PADI4: variants seen among roughly 807,000 people sequenced by gnomAD.
PADI4 encodes the protein peptidyl arginine deiminase 4.
In PADI4, 62 loss-of-function variants were observed where a neutral mutation model predicts 75.0. The ratio of observed to expected loss-of-function variants is 0.83; its 90% CI spans 0.67 to 1.02. PADI4 has a LOEUF of 1.02. Ranked by LOEUF, PADI4 falls within the 50% of genes least tolerant of loss-of-function variation. PADI4 has a pLI of 0.00. For missense variants in PADI4, 845 were observed against 850.5 expected, an observed-to-expected ratio of 0.99 and a Z score of 0.08; for synonymous variants, 361 against 348.1, an observed-to-expected ratio of 1.04 and a Z score of -0.41.
chr1:17,339,492 T>G (rs2074375656), intron 5 of PADI4, among the ~76,000 whole-genome samples, 196 bp from the exon 6 acceptor site: 1 of 152,112 alleles, frequency 6.6e-6, no homozygotes, highest in Non-Finnish European at 1.5e-5. Context: ...AAAACCTTAA[T>G]GAGCTCTCAT....
In PADI4 at chr1:17,339,118, C is replaced by T. The variant is rs374372147; in HGVS notation, c.527-570C>T. ...AACAGAGGCAGAGAAAGCTGAAATCCGTTTCCTAAGCCCACCCAGATCCCA... is the reference window on the plus strand; with the variant it reads ...AACAGAGGCAGAGAAAGCTGAAATCTGTTTCCTAAGCCCACCCAGATCCCA... On this transcript the variant is annotated intron_variant, in intron 5 of 15. Coordinates refer to ENST00000375448, the MANE Select transcript of PADI4 (RefSeq NM_012387.3). Among the ~76,000 whole-genome samples, 70 of 152,300 alleles carry T rather than the reference C, an allele frequency of 4.6e-4. No homozygotes were observed. In the South Asian group the frequency reaches 0.014, roughly 30 times the overall value.
chr1:17,332,681 A>T (rs4506507), intron 2 of PADI4, among the ~76,000 whole-genome samples: 82,258 of 151,990 alleles, frequency 0.54, 22,408 homozygotes, highest in East Asian at 0.59. Context: ...CTTTGCCTGT[A>T]GATGGGCTCA....
rs1452507718 is a variant in PADI4 at position 17,346,061 on chromosome 1, G to A, written c.969G>A (p.Val323=). The A allele has an allele frequency of 6.2e-7, 1 of 1,613,562 alleles. No homozygotes were observed. The highest frequency in any genetic ancestry group is 2.2e-5 in the East Asian group (1 of 44,858). The change falls in exon 9 of 16, where the codon GTG becomes GTA. Residue 323 remains valine, a synonymous_variant. Transcript: ENST00000375448. The surrounding 1 kb of genome is among the most constrained non-coding windows in gnomAD (Gnocchi z 4.3). Reference sequence around the variant, plus strand: ...AAAATGAGGACTTCCTGAAGTCAGTGACTACTCTGGCCATGAAAGCCAAGT... The same window carrying A: ...AAAATGAGGACTTCCTGAAGTCAGTAACTACTCTGGCCATGAAAGCCAAGT... The part of the protein sequence containing the change: ...IFENEDFLKS[V]TTLAMKAKCK...
chr1:17,333,972 T>A lies in PADI4; in HGVS notation c.303T>A (p.Thr101=). The change falls in exon 3 of 16, where the codon ACT becomes ACA. Residue 101 remains threonine (T), a synonymous_variant. Transcript: ENST00000375448. Reference sequence around the variant, plus strand: ...AGATTTCATACTACGGACCCAAGACTCCACCAGTCAAAGCTCTACTCTACC... The same window carrying A: ...AGATTTCATACTACGGACCCAAGACACCACCAGTCAAAGCTCTACTCTACC... The part of the protein sequence containing the change: ...KVQISYYGPK[T]PPVKALLYLT... 1 of 1,613,020 alleles carries A rather than the reference T, an allele frequency of 6.2e-7. No homozygotes were observed. Among genetic ancestry groups the A allele is most frequent in the South Asian group, 1.1e-5 (1 of 91,050 alleles).
chr1:17,317,444 T>C (rs894664294), intron 1 of PADI4, among the ~76,000 whole-genome samples: 3 of 151,176 alleles, frequency 2.0e-5, no homozygotes. Flanking sequence ...AATTTTTTTG[T>C]ATTTTTAGTA....
In PADI4 at chr1:17,331,024, G is replaced by A. The variant is rs757370203; in HGVS notation, c.148G>A (p.Val50Met). 8.0e-5 allele frequency: 128 copies of A among 1,606,766 alleles called. No homozygotes were observed. The highest frequency in any genetic ancestry group is 8.9e-5 in the Non-Finnish European group (105 of 1,176,800). Residue 50 changes from valine (V) to methionine (M), a missense_variant, in exon 2 of 16, where the codon GTG becomes ATG. Transcript: ENST00000375448. ...CATCAACGCCTCCCCAGGGGTGGTC[G>A]TGGATATTGCCCACGGCCCTCCAGC... ...FSINASPGVV[V>M]DIAHGPPAKK...
At chr1:17,308,516 A>G (rs543481712) in intron 1 of PADI4, among the ~76,000 whole-genome samples, 9 of 152,304 alleles carry the variant, frequency 5.9e-5, no homozygotes, top group African/African-American at 2.2e-4. Context: ...TGCCATGTAC[A>G]AGTGCAAATT....
chr1:17,317,298 C>G (rs749186106), intron 1 of PADI4, among the ~76,000 whole-genome samples: 6 of 151,870 alleles, frequency 4.0e-5, no homozygotes, highest in Non-Finnish European at 8.8e-5. Context: ...GACGGAGTCT[C>G]GCTCTTGTCG....
At chr1:17,354,115 T>TG (rs1448487425) in intron 10 of PADI4, among the ~76,000 whole-genome samples, 1 of 149,452 alleles carries the variant, frequency 6.7e-6, no homozygotes, top group Admixed American at 6.7e-5. Context: ...CTGGGCGTGG[T>TG]GGGGCGTGCC....
At chr1:17,345,756 C>T (rs2100752565) in intron 8 of PADI4, among the ~76,000 whole-genome samples, 3 of 152,314 alleles carry the variant, frequency 2.0e-5, no homozygotes, top group Middle Eastern at 6.8e-3. Context: ...CCAATTAAAC[C>T]TCTTTTTCTT....
At chr1:17,322,180 C>T (rs779235452) in intron 1 of PADI4, among the ~76,000 whole-genome samples, 1 of 152,104 alleles carries the variant, frequency 6.6e-6, no homozygotes, top group East Asian at 1.9e-4. Flanking sequence ...CTGTCCTTTG[C>T]CCTGTACCTG....
chr1:17,347,935 C>G lies in PADI4; in HGVS notation c.1048-6C>G. ...GCAACAGCCTCCTCTCCACTCACTC[C>G]CACAGGATGAAATGGAGATCGGCTA... is the stretch of plus-strand genomic sequence containing the variant. On this transcript the variant is annotated splice_polypyrimidine_tract_variant and splice_region_variant and intron_variant, in intron 9 of 15. Transcript: ENST00000375448. 3 of 1,554,160 alleles carry G rather than the reference C, an allele frequency of 1.9e-6. No individual in the cohort carries two copies. The highest frequency in any genetic ancestry group is 2.6e-6 in the Non-Finnish European group (3 of 1,140,958).
intron 1 of PADI4, among the ~76,000 whole-genome samples, chr1:17,313,835 T>C (rs2073888015): frequency 6.6e-6 from 1 of 152,158 alleles, no homozygotes. Flanking sequence ...AAGATTCAGC[T>C]CTGGATGGTC....
At chr1:17,348,517 G>A (rs12731545) in intron 10 of PADI4, among the ~76,000 whole-genome samples, 2,434 of 152,300 alleles carry the variant, frequency 0.016, 34 homozygotes, top group Non-Finnish European at 0.024. Context: ...GCCACAGGCT[G>A]TCCATGTGGA....
At chr1:17,337,297 C>T (rs1253922999) in intron 4 of PADI4, among the ~76,000 whole-genome samples, 3 of 152,148 alleles carry the variant, frequency 2.0e-5, no homozygotes, top group Non-Finnish European at 4.4e-5. Flanking sequence ...AGGTGCATGC[C>T]TCCACGCCCA....
At chr1:17,353,040 G>A (rs760224880) in intron 10 of PADI4, among the ~76,000 whole-genome samples, 54 of 152,162 alleles carry the variant, frequency 3.5e-4, no homozygotes, top group Non-Finnish European at 6.6e-4. Flanking sequence ...CGAGGCCCGC[G>A]CATTGCACTT....
chr1:17,359,802 A>C (rs1286703986), intron 15 of PADI4, among the ~76,000 whole-genome samples: 1 of 152,230 alleles, frequency 6.6e-6, no homozygotes, highest in Non-Finnish European at 1.5e-5. Context: ...GCAATATTTA[A>C]CATCAAGAGA....
Position 17,342,351 on chromosome 1 carries a change from C to T in PADI4, c.884C>T (p.Pro295Leu). The T allele has an allele frequency of 1.2e-6, 2 of 1,614,052 alleles. No homozygotes were observed. The highest frequency in any genetic ancestry group is 1.7e-6 in the Non-Finnish European group (2 of 1,179,980). Residue 295 changes from proline (P) to leucine (L), a missense_variant, in exon 8 of 16, where the codon CCC becomes CTC. Physicochemically the swap from Pro to Leu is moderately conservative, Grantham distance 98. Coordinates refer to ENST00000375448, the MANE Select transcript of PADI4 (RefSeq NM_012387.3). ...GACAGCGTGGTCTTCCGCGTGGCGC[C>T]CTGGATCATGACCCCCAACACCCAG... Reference protein sequence around the residue: ...FQDSVVFRVAPWIMTPNTQPP... With the variant: ...FQDSVVFRVALWIMTPNTQPP...
intron 10 of PADI4, among the ~76,000 whole-genome samples, chr1:17,349,241 T>C (rs1195206948): frequency 6.6e-6 from 1 of 152,180 alleles, no homozygotes. Context: ...TGTGTCTACT[T>C]TGATGCTCCA....
Sources: allele counts gnomAD v4.1 joint callset (sites outside exome capture counted in the v4.1 genomes callset), GRCh38; gene constraint gnomAD v4.1.1; non-coding constraint Gnocchi (gnomAD v3.1); transcripts MANE v1.5; gene names NCBI Gene and HGNC (gene_info 2026-07-23, HGNC 2026-07-21).